MMP28: variants seen among roughly 807,000 people sequenced by gnomAD.
MMP28 encodes the protein matrix metalloproteinase-28.
In MMP28, 55 loss-of-function variants were observed where a neutral mutation model predicts 60.5. The observed-to-expected ratio is 0.91, with a 90% CI of 0.73 to 1.14. The LOEUF is 1.14. Ranked by LOEUF, MMP28 falls within the 50% of genes most tolerant of loss-of-function variation. The pLI is 0.00. For missense variants in MMP28, 686 were observed against 738.3 expected (o/e 0.93, Z 0.82); for synonymous variants, 318 against 312.5 (o/e 1.02, Z -0.18).
At chr17:35,775,382 G>T (rs1555607347) in intron 3 of MMP28, among the ~76,000 whole-genome samples, 1 of 152,150 alleles carries the variant, frequency 6.6e-6, no homozygotes, top group Non-Finnish European at 1.5e-5. Context: ...GCTGGTTTTT[G>T]TGGTGACCCC....
In MMP28 at chr17:35,795,623, C is replaced by G. The variant is rs939136831; in HGVS notation, c.-246G>C. ...TGCCTGCCCGCGGGTCCGCCGGCCCCGGGGACCGAGGGAGGGAGGAAGGAA... is the reference window on the plus strand; with the variant it reads ...TGCCTGCCCGCGGGTCCGCCGGCCCGGGGGACCGAGGGAGGGAGGAAGGAA... On this transcript the variant is annotated 5_prime_UTR_variant, in exon 1 of 8. Transcript: ENST00000605424. 3 of 353,354 alleles carry G rather than the reference C, an allele frequency of 8.5e-6. No individual in the cohort carries two copies. The highest frequency in any genetic ancestry group is 1.0e-5 in the Non-Finnish European group (2 of 196,782). 21.9% of individuals were successfully genotyped at this position (353,354 alleles called of 1,614,324 possible). A position where few individuals can be genotyped will look rare whatever the true frequency, so the allele number is the denominator to read the frequency against.
chr17:35,779,267 G>A lies in MMP28; in HGVS notation c.168C>T (p.Ser56=). The A allele has an allele frequency of 1.2e-6, 2 of 1,613,228 alleles. No homozygotes were observed. The highest frequency in any genetic ancestry group is 1.7e-6 in the Non-Finnish European group (2 of 1,179,678). The change falls in exon 2 of 8, where the codon TCC becomes TCT. Residue 56 remains serine (S), a synonymous_variant. Coordinates refer to ENST00000605424, the MANE Select transcript of MMP28 (RefSeq NM_024302.5). The part of the protein sequence containing the change: ...LNEQVPKAPT[S]TRFSDAIRAF... ...ACCTGATGGCATCGCTGAATCGAGT[G>A]GAGGTGGGAGCTTTGGGGACCTGTT...
downstream of MMP28, among the ~76,000 whole-genome samples, chr17:35,763,364 C>T (rs1283797761): frequency 6.6e-6 from 1 of 151,224 alleles, no homozygotes; most frequent in African/African-American, 2.4e-5. Flanking sequence ...ATAGCCTCGA[C>T]TTCCCTAGCT....
intron 2 of MMP28, chr17:35,760,802 C>A (rs1368363698): frequency 4.2e-6 from 4 of 955,100 alleles, no homozygotes; most frequent in Middle Eastern, 2.5e-4. Context: ...TGGGCAGAGC[C>A]TTATGGGCAG....
chr17:35,781,522 A>G (rs1365899526), intron 1 of MMP28, among the ~76,000 whole-genome samples: 1 of 152,148 alleles, frequency 6.6e-6, no homozygotes, highest in Non-Finnish European at 1.5e-5. Context: ...CTACCCTAAC[A>G]CACCTGGAAG....
downstream of MMP28, among the ~76,000 whole-genome samples, chr17:35,765,309 G>A (rs142257017): frequency 2.6e-5 from 4 of 152,174 alleles, no homozygotes; most frequent in African/African-American, 9.7e-5. Context: ...GACCATTCTC[G>A]CCTGCCCTAG....
intron 4 of MMP28, among the ~76,000 whole-genome samples, chr17:35,771,894 T>A (rs1598431421): frequency 6.6e-6 from 1 of 151,298 alleles, no homozygotes; most frequent in East Asian, 1.9e-4. Flanking sequence ...TTATTAGATG[T>A]GCAGGTGCCA....
chr17:35,761,088 C>A, downstream of MMP28: 4 of 868,264 alleles, frequency 4.6e-6, no homozygotes, highest in Non-Finnish European at 6.7e-6. Context: ...CCTCTCCTTT[C>A]GCCTTCCTGA....
chr17:35,770,473 G>C (rs1381202921), intron 4 of MMP28, among the ~76,000 whole-genome samples, 161 bp from the exon 5 acceptor site: 4 of 152,212 alleles, frequency 2.6e-5, no homozygotes, highest in Non-Finnish European at 1.5e-5. Context: ...GTGAACAGTA[G>C]GCTCTGCACT....
chr17:35,770,007 G>A, intron 5 of MMP28, 60 bp downstream of exon 5: 1 of 1,486,438 alleles, frequency 6.7e-7, no homozygotes, highest in East Asian at 2.4e-5. Context: ...CGGCGTTCAA[G>A]GACAGGAGGC....
chr17:35,766,346 A>C lies in MMP28; in HGVS notation c.*154T>G, dbSNP rs2085936955. On this transcript the variant is annotated 3_prime_UTR_variant, in exon 8 of 8. Transcript: ENST00000605424. The surrounding 1 kb of genome is among the most constrained non-coding windows in gnomAD (Gnocchi z 4.3). Reference sequence around the variant, plus strand: ...AGACAAAGACAATGCTGCATTCTTCAAGGAACAAAGGCAGACAGACTTCCA... The same window carrying C: ...AGACAAAGACAATGCTGCATTCTTCCAGGAACAAAGGCAGACAGACTTCCA... The C allele has an allele frequency of 7.1e-7, 1 of 1,417,582 alleles. No individual in the cohort carries two copies. Among genetic ancestry groups the C allele is most frequent in the South Asian group, 1.6e-5 (1 of 63,354 alleles). The allele number at this position is 1,417,582 out of a possible 1,614,324, so 87.8% of individuals were successfully genotyped here.
At chr17:35,790,060 CT>C (rs56405134) in intron 1 of MMP28, among the ~76,000 whole-genome samples, 1,208 of 66,950 alleles carry the variant, frequency 0.018, 3 homozygotes, top group East Asian at 0.058. Flanking sequence ...CCGCACCTGG[CT>C]TTTTTTTTTT....
intron 1 of MMP28, among the ~76,000 whole-genome samples, chr17:35,792,281 A>G (rs979873495): frequency 6.6e-6 from 1 of 152,130 alleles, no homozygotes; most frequent in African/African-American, 2.4e-5. Context: ...GGTCATAAAA[A>G]GGATATAGTT....
At chr17:35,765,398 C>A (rs1403447853), downstream of MMP28, among the ~76,000 whole-genome samples, 1 of 152,158 alleles carries the variant, frequency 6.6e-6, no homozygotes, top group African/African-American at 2.4e-5. Context: ...CCTGGAAAAC[C>A]AGATGCTAAA....
At chr17:35,790,441 T>C (rs569648983) in intron 1 of MMP28, among the ~76,000 whole-genome samples, 1 of 152,356 alleles carries the variant, frequency 6.6e-6, no homozygotes, top group Non-Finnish European at 1.5e-5. Flanking sequence ...TGGTAAATTA[T>C]TGATATGCAC....
intron 4 of MMP28, 91 bp from the exon 5 acceptor site, chr17:35,770,403 G>C (rs910648893): frequency 1.7e-5 from 24 of 1,400,578 alleles, no homozygotes; most frequent in Non-Finnish European, 2.0e-5. Flanking sequence ...GGGTGTGTGT[G>C]GCTGTTCTCT....
chr17:35,783,487 T>C (rs1568186035), intron 1 of MMP28, among the ~76,000 whole-genome samples: 2 of 152,186 alleles, frequency 1.3e-5, no homozygotes, highest in African/African-American at 4.8e-5. Flanking sequence ...TTGGGGAGGA[T>C]GGACAGAGGA....
At chr17:35,765,582 C>T (rs2085918137), downstream of MMP28, among the ~76,000 whole-genome samples, 1 of 152,220 alleles carries the variant, frequency 6.6e-6, no homozygotes, top group Non-Finnish European at 1.5e-5. Flanking sequence ...TGCAGGGCTG[C>T]CTGTTGTGGA....
At chr17:35,761,188 C>CTG (rs2085811626), downstream of MMP28, among the ~76,000 whole-genome samples, 1 of 150,312 alleles carries the variant, frequency 6.7e-6, no homozygotes. Flanking sequence ...ACTGCAGCCT[C>CTG]TGCCTCCCGG....
Sources: allele counts gnomAD v4.1 joint callset (sites outside exome capture counted in the v4.1 genomes callset), GRCh38; gene constraint gnomAD v4.1.1; non-coding constraint Gnocchi (gnomAD v3.1); transcripts MANE v1.5; gene names NCBI Gene and HGNC (gene_info 2026-07-23, HGNC 2026-07-21).